Variants in NLRC5 observed in about 807,000 individuals in gnomAD.
NLRC5 encodes protein NLRC5.
A neutral mutation model predicts 206.9 loss-of-function variants in NLRC5; 114 were observed. The observed-to-expected ratio is 0.55, with a 90% CI of 0.47 to 0.64. NLRC5 has a LOEUF of 0.64. Ranked by LOEUF, NLRC5 falls within the 30% of genes least tolerant of loss-of-function variation. The pLI, the probability that NLRC5 is intolerant of heterozygous loss-of-function variation, is 0.00. For missense variants in NLRC5, 2,008 were observed against 2,305.5 expected (o/e 0.87, Z 2.64); for synonymous variants, 952 against 962.8 (o/e 0.99, Z 0.21).
At chr16:57,009,851 A>G (rs1358229854) in intron 1 of NLRC5, among the ~76,000 whole-genome samples, 2 of 152,200 alleles carry the variant, frequency 1.3e-5, no homozygotes, top group East Asian at 3.8e-4. Flanking sequence ...TCTAAGGGGC[A>G]TAGGACCTGA....
intron 28 of NLRC5, 148 bp downstream of exon 28, chr16:57,058,296 C>G: frequency 3.1e-6 from 2 of 655,080 alleles, no homozygotes; most frequent in Middle Eastern, 2.6e-4. Context: ...CCCTTGCCTT[C>G]ACTCCCCTGG....
Position 57,058,988 on chromosome 16 carries a change from A to G in NLRC5, c.3847A>G (p.Ile1283Val). 2 of 1,614,026 alleles carry G rather than the reference A, an allele frequency of 1.2e-6. No homozygotes were observed. Among genetic ancestry groups the G allele is most frequent in the Non-Finnish European group, 1.7e-6 (2 of 1,179,972 alleles). The change falls in exon 29 of 49, where the codon ATT (isoleucine) becomes GTT (valine). Residue 1283 changes from isoleucine to valine, a missense_variant. Coordinates refer to ENST00000688547, the MANE Select transcript of NLRC5 (RefSeq NM_001384950.1). ...SGLLDLSHNSISQESALYLLE... is the reference protein window; with the variant it reads ...SGLLDLSHNSVSQESALYLLE... ...CCCTTCTAGTCTGAGTCACAACAGC[A>G]TTTCTCAGGAAAGTGCCCTGTACCT... is the stretch of plus-strand genomic sequence containing the variant.
rs747193739 is a variant in NLRC5 at position 57,039,826 on chromosome 16, G to A, written c.2847G>A (p.Glu949=). 25 of 1,614,086 alleles carry A rather than the reference G, an allele frequency of 1.5e-5. 1 individual carries two copies. The South Asian group carries it at 2.6e-4, about 17-fold the overall frequency. ...TVIFMFAQEP[E]EQKGPQERAA... ...TCTTCATGTTTGCCCAGGAGCCAGAGGAGCAGAAGGGGCCCCAGGAGAGGT... is the reference window on the plus strand; with the variant it reads ...TCTTCATGTTTGCCCAGGAGCCAGAAGAGCAGAAGGGGCCCCAGGAGAGGT... Residue 949 remains glutamate, a synonymous_variant, in exon 16 of 49, where the codon GAG becomes GAA. Transcript: ENST00000688547.
intron 5 of NLRC5, among the ~76,000 whole-genome samples, chr16:57,025,026 A>G (rs775972674): frequency 2.0e-5 from 3 of 152,192 alleles, no homozygotes; most frequent in Non-Finnish European, 2.9e-5. Context: ...AAGAAAAAAA[A>G]GAGATGTTGC....
intron 22 of NLRC5, 144 bp downstream of exon 22, chr16:57,046,785 G>A: frequency 1.5e-6 from 1 of 673,392 alleles, no homozygotes; most frequent in Non-Finnish European, 2.5e-6. Context: ...AAAGAGGCGT[G>A]GGTGTGAGGG....
At chr16:57,011,629 G>A (rs965816446) in intron 1 of NLRC5, among the ~76,000 whole-genome samples, 7 of 151,688 alleles carry the variant, frequency 4.6e-5, no homozygotes, top group African/African-American at 1.2e-4. Context: ...GGGTGAGGCA[G>A]GGGAATCACT....
chr16:57,015,428 T>G (rs1490983137), intron 1 of NLRC5, among the ~76,000 whole-genome samples: 1 of 152,144 alleles, frequency 6.6e-6, no homozygotes, highest in Non-Finnish European at 1.5e-5. Context: ...CTCTCTTTAT[T>G]TCTCCTGTTA....
intron 39 of NLRC5, 23 bp downstream of exon 39, chr16:57,074,706 G>T: frequency 6.2e-7 from 1 of 1,605,724 alleles, no homozygotes; most frequent in South Asian, 1.1e-5. Flanking sequence ...GCGGCCCCAT[G>T]GGAATGAGTG....
chr16:57,070,595 G>C lies in NLRC5; in HGVS notation c.4644G>C (p.Gly1548=). 1 of 1,614,164 alleles carries C rather than the reference G, an allele frequency of 6.2e-7. No homozygotes were observed. Among genetic ancestry groups the C allele is most frequent in the Non-Finnish European group, 8.5e-7 (1 of 1,180,014 alleles). ...GTKALMRALE[G]KWMLKRLDLS... Reference sequence around the variant, plus strand: ...AGGCGCTGATGAGGGCCCTTGAGGGGAAATGGATGCTAAAGAGGCTGGAGT... The same window carrying C: ...AGGCGCTGATGAGGGCCCTTGAGGGCAAATGGATGCTAAAGAGGCTGGAGT... Residue 1548 remains glycine (G), a synonymous_variant, in exon 38 of 49, where the codon GGG becomes GGC. Transcript: ENST00000688547.
intron 39 of NLRC5, among the ~76,000 whole-genome samples, 153 bp downstream of exon 39, chr16:57,074,836 A>C (rs2068164609): frequency 6.6e-6 from 1 of 152,030 alleles, no homozygotes; most frequent in Non-Finnish European, 1.5e-5. Flanking sequence ...GTGGGTGCCC[A>C]CTGCTCTTGC....
At chr16:57,014,871 TCACAGGG>T (rs1454731702) in intron 1 of NLRC5, among the ~76,000 whole-genome samples, 1 of 151,816 alleles carries the variant, frequency 6.6e-6, no homozygotes, top group Non-Finnish European at 1.5e-5. Flanking sequence ...CATTGTGTCC[TCACAGGG>T]CAGAGAGCAA....
chr16:57,064,926 A>G (rs1246793267), intron 32 of NLRC5, among the ~76,000 whole-genome samples: 1 of 152,216 alleles, frequency 6.6e-6, no homozygotes, highest in Non-Finnish European at 1.5e-5. Context: ...CTCTGTCTCA[A>G]AAATAAAATA....
At position 57,058,145 on chromosome 16, in the gene NLRC5, TTGAG is replaced by T; in HGVS notation, c.3829_3830+2del. The T allele has an allele frequency of 1.2e-6, 2 of 1,606,516 alleles. No individual in the cohort carries two copies. Among genetic ancestry groups the T allele is most frequent in the Non-Finnish European group, 1.7e-6 (2 of 1,175,550 alleles). On this transcript the variant is annotated splice_donor_variant and coding_sequence_variant, in exon 28 of 49. Transcript: ENST00000688547. LOFTEE classifies it high-confidence loss of function. ...CCGCAGGTGCCCATCTCCGGTTTGCTTGAGTAAGTGGAAAGCAGCATAAAGGACA... is the reference window on the plus strand; with the variant it reads ...CCGCAGGTGCCCATCTCCGGTTTGCTTAAGTGGAAAGCAGCATAAAGGACA...
At chr16:57,040,756 C>G (rs1342580000) in intron 17 of NLRC5, 38 bp downstream of exon 17, 1 of 1,591,324 alleles carries the variant, frequency 6.3e-7, no homozygotes, top group African/African-American at 1.3e-5. Flanking sequence ...GTGATTCCAG[C>G]CCCCTCCCTT....
intron 1 of NLRC5, among the ~76,000 whole-genome samples, chr16:56,996,352 T>G (rs548805579): frequency 1.3e-5 from 2 of 151,994 alleles, no homozygotes; most frequent in Non-Finnish European, 2.9e-5. Flanking sequence ...TAATTGTTTT[T>G]TGTTTTTATT....
chr16:57,069,833 C>T lies in NLRC5; in HGVS notation c.4500-3C>T, dbSNP rs550144248. ...TGACCTGTTGCCCTTTGACCCCCAC[C>T]AGGCTGACCTCCAGCTGTGTGAGCA... On this transcript the variant is annotated splice_polypyrimidine_tract_variant and splice_region_variant and intron_variant, in intron 36 of 48. Transcript: ENST00000688547. 27 of 1,602,152 alleles carry T rather than the reference C, an allele frequency of 1.7e-5. No individual in the cohort carries two copies. In the Admixed American group the frequency reaches 2.2e-4, roughly 13 times the overall value.
rs768803333 is a variant in NLRC5 at position 57,033,667 on chromosome 16, C to G, written c.2541C>G (p.Leu847=). 3 of 1,613,680 alleles carry G rather than the reference C, an allele frequency of 1.9e-6. No homozygotes were observed. In the African/African-American group the frequency reaches 4.0e-5, roughly 22 times the overall value. Residue 847 remains leucine (L), a splice_region_variant and synonymous_variant, in exon 12 of 49, where the codon CTC becomes CTG. Coordinates refer to ENST00000688547, the MANE Select transcript of NLRC5 (RefSeq NM_001384950.1). The stretch of plus-strand genomic sequence containing the variant: ...GGGCTCAGAGCAGAAGCTTGACGCT[C>G]AGGTACCTTGGAGGGATCTATTGCC... The part of the protein sequence containing the change: ...RKGAQSRSLT[L]RLQKCQLQVH...
chr16:57,060,373 C>T lies in NLRC5; in HGVS notation c.3986+841C>T, dbSNP rs113468816. Among the ~76,000 whole-genome samples, 708 of 151,778 alleles carry T rather than the reference C, an allele frequency of 4.7e-3. 15 individuals are homozygous for T. The highest frequency in any genetic ancestry group is 0.037 in the Admixed American group (562 of 15,206). On this transcript the variant is annotated intron_variant, in intron 30 of 48. Coordinates refer to ENST00000688547, the MANE Select transcript of NLRC5 (RefSeq NM_001384950.1). ...TCCCACCTCCCCCACACCACACACA[C>T]GCCCTACACACCAACCCATATACCA...
Position 57,026,801 on chromosome 16 carries a change from G to A in NLRC5, c.1858G>A (p.Asp620Asn). The A allele has an allele frequency of 1.9e-6, 3 of 1,614,058 alleles. No homozygotes were observed. The highest frequency in any genetic ancestry group is 1.3e-5 in the African/African-American group (1 of 75,022). Residue 620 changes from aspartate to asparagine, a missense_variant, in exon 6 of 49, where the codon GAT becomes AAT. Physicochemically the swap from Asp to Asn is conservative, Grantham distance 23. Transcript: ENST00000688547. ...GGTTGTAGAGCTGTGTCACTGTGTG[G>A]ATGAGACACAGGAGCCTGAGCTGGC... The part of the protein sequence containing the change: ...PKVVELCHCV[D>N]ETQEPELASL...
Sources: allele counts gnomAD v4.1 joint callset (sites outside exome capture counted in the v4.1 genomes callset), GRCh38; gene constraint gnomAD v4.1.1; transcripts MANE v1.5; gene names NCBI Gene and HGNC (gene_info 2026-07-23, HGNC 2026-07-21).